OTOS: variants seen among roughly 807,000 people sequenced by gnomAD.
OTOS encodes the protein otospiralin.
Under a neutral mutation model 12.5 loss-of-function variants are expected in OTOS, and 14 were observed. The ratio of observed to expected loss-of-function variants is 1.12; its 90% CI spans 0.74 to 1.76. The LOEUF (loss-of-function observed/expected upper bound fraction) is 1.76. OTOS is among the 40% of genes most tolerant of loss of function. The probability of loss-of-function intolerance (pLI) is 0.00; values close to 1 mark genes in which losing one functional copy is unlikely to be tolerated. For missense variants in OTOS, 141 were observed against 112.8 expected (o/e 1.25, Z -1.13); for synonymous variants, 49 against 47.6 (o/e 1.03, Z -0.12).
In OTOS at chr2:240,139,230, G is replaced by C. The variant is rs1436092101; in HGVS notation, c.210C>G (p.Phe70Leu). The C allele has an allele frequency of 6.2e-7, 1 of 1,614,190 alleles. No individual in the cohort carries two copies. The highest frequency in any genetic ancestry group is 2.2e-5 in the East Asian group (1 of 44,866). The change falls in exon 4 of 4, where the codon TTC (phenylalanine) becomes TTG (leucine). Residue 70 changes from phenylalanine (F) to leucine (L), a missense_variant. By Grantham distance (22) the Phe-to-Leu change is conservative. Coordinates refer to ENST00000319460, the MANE Select transcript of OTOS (RefSeq NM_148961.4). Reference sequence around the variant, plus strand: ...TGCTCCCCAGGGGGAAGTGGGCAAAGAAGGTTCGGGCCATGTCCTCGATCT... The same window carrying C: ...TGCTCCCCAGGGGGAAGTGGGCAAACAAGGTTCGGGCCATGTCCTCGATCT... ...YPQIEDMART[F>L]FAHFPLGSTL...
Position 240,140,349 on chromosome 2 carries a change from C to A in OTOS, c.-23G>T. ...CATCTTCCCGGTGCTTCCTGATCTG[C>A]GACTCAGGCCCACCTGCAGCAGGAT... On this transcript the variant is annotated 5_prime_UTR_variant, in exon 2 of 4. Transcript: ENST00000319460. 3.2e-6 allele frequency: 5 copies of A among 1,557,646 alleles called. No homozygotes were observed. The highest frequency in any genetic ancestry group is 4.4e-6 in the Non-Finnish European group (5 of 1,149,136).
In OTOS at chr2:240,139,259, G is replaced by A; in HGVS notation, c.181C>T (p.Pro61Ser). ...VQHFQALGAYPQIEDMARTFF... is the reference protein window; with the variant it reads ...VQHFQALGAYSQIEDMARTFF... ...GTTCGGGCCATGTCCTCGATCTGGG[G>A]GTAGGCCCCCAGGGCCTGGAAGTGC... The change falls in exon 4 of 4, where the codon CCC (proline) becomes TCC (serine). Residue 61 changes from proline (P) to serine (S), a missense_variant. Transcript: ENST00000319460. 1 of 1,614,204 alleles carries A rather than the reference G, an allele frequency of 6.2e-7. No homozygotes were observed. Among genetic ancestry groups the A allele is most frequent in the Non-Finnish European group, 8.5e-7 (1 of 1,180,028 alleles).
At position 240,140,490 on chromosome 2, in the gene OTOS, C is replaced by G. The variant is rs990808944; in HGVS notation, c.-118-46G>C. 4 of 690,302 alleles carry G rather than the reference C, an allele frequency of 5.8e-6. No individual in the cohort carries two copies. In the African/African-American group the frequency reaches 7.2e-5, roughly 13 times the overall value. The allele number at this position is 690,302 out of a possible 1,614,324, so 42.8% of individuals were successfully genotyped here. A position where few individuals can be genotyped will look rare whatever the true frequency, so the allele number is the denominator to read the frequency against. ...TTAAAAAAAAAATTCTTACTGTTTT[C>G]CTAGCAATTTCCATTTCAGTGGTTT... On this transcript the variant is annotated intron_variant, in intron 1 of 3. Transcript: ENST00000319460.
chr2:240,140,419 C>A lies in OTOS; in HGVS notation c.-93G>T. The stretch of plus-strand genomic sequence containing the variant: ...CCACCCATCCGTCAGGGCCGGCTTC[C>A]TCTACCAGTCCCAGTGTGGGCAGCC... On this transcript the variant is annotated 5_prime_UTR_variant, in exon 2 of 4. It adds an upstream start codon to the 5' untranslated region. Transcript: ENST00000319460. 1 of 1,342,812 alleles carries A rather than the reference C, an allele frequency of 7.4e-7. No homozygotes were observed. Among genetic ancestry groups the A allele is most frequent in the Middle Eastern group, 1.9e-4 (1 of 5,380 alleles). 83.2% of individuals were successfully genotyped at this position (1,342,812 alleles called of 1,614,324 possible).
At chr2:240,140,024 C>T in intron 3 of OTOS, 38 bp downstream of exon 3, 1 of 1,608,680 alleles carries the variant, frequency 6.2e-7, no homozygotes, top group Non-Finnish European at 8.5e-7. Flanking sequence ...ATACCAGTTA[C>T]TTATGCAAAT....
Position 240,140,434 on chromosome 2 carries a change from T to C in OTOS, c.-108A>G. On this transcript the variant is annotated 5_prime_UTR_variant, in exon 2 of 4. Transcript: ENST00000319460. ...GGCCGGCTTCCTCTACCAGTCCCAG[T>C]GTGGGCAGCCCTGGGGAAAATGGCA... 1 of 1,175,664 alleles carries C rather than the reference T, an allele frequency of 8.5e-7. No individual in the cohort carries two copies. Among genetic ancestry groups the C allele is most frequent in the Non-Finnish European group, 1.2e-6 (1 of 854,040 alleles). 72.8% of individuals were successfully genotyped at this position (1,175,664 alleles called of 1,614,324 possible).
At chr2:240,140,204 A>G in intron 2 of OTOS, 65 bp downstream of exon 2, 1 of 1,588,514 alleles carries the variant, frequency 6.3e-7, no homozygotes, top group Non-Finnish European at 8.6e-7. Flanking sequence ...TGCATGCGGG[A>G]GGGGAGAGAA....
Position 240,139,139 on chromosome 2 carries a change from C to T in OTOS, c.*31G>A, listed in dbSNP as rs373053373. The T allele has an allele frequency of 1.4e-5, 22 of 1,597,860 alleles. No homozygotes were observed. The highest frequency in any genetic ancestry group is 6.8e-5 in the Admixed American group (4 of 59,228). The stretch of plus-strand genomic sequence containing the variant: ...GGAGGCCCGACCGAGTGCAGCCTGG[C>T]GGGGTGGGCGGGCACCAGGCTGGAC... On this transcript the variant is annotated 3_prime_UTR_variant, in exon 4 of 4. Transcript: ENST00000319460.
chr2:240,140,350 G>C lies in OTOS; in HGVS notation c.-24C>G. ...ATCTTCCCGGTGCTTCCTGATCTGC[G>C]ACTCAGGCCCACCTGCAGCAGGATG... On this transcript the variant is annotated 5_prime_UTR_variant, in exon 2 of 4. Coordinates refer to ENST00000319460, the MANE Select transcript of OTOS (RefSeq NM_148961.4). 1.9e-6 allele frequency: 3 copies of C among 1,558,782 alleles called. No individual in the cohort carries two copies. The highest frequency in any genetic ancestry group is 1.2e-5 in the South Asian group (1 of 84,394).
chr2:240,139,895 T>C (rs1466414471), intron 3 of OTOS, among the ~76,000 whole-genome samples, 167 bp downstream of exon 3: 1 of 152,058 alleles, frequency 6.6e-6, no homozygotes, highest in African/African-American at 2.4e-5. Flanking sequence ...CTTGCACAGC[T>C]CCAAGCTGGC....
intron 3 of OTOS, among the ~76,000 whole-genome samples, 155 bp downstream of exon 3, chr2:240,139,907 C>T (rs1162325974): frequency 1.3e-5 from 2 of 152,282 alleles, no homozygotes; most frequent in East Asian, 1.9e-4. Flanking sequence ...CAAGCTGGCT[C>T]TCAAGGGCCA....
In OTOS at chr2:240,139,332, G is replaced by C; in HGVS notation, c.108C>G (p.Ala36=). 1 of 1,613,834 alleles carries C rather than the reference G, an allele frequency of 6.2e-7. No homozygotes were observed. ...AGGTGGAGAAAGGCCAGTAGGGCAT[G>C]GCCGGCAGCTCCGCGTAAGGGTCTG... ...EEGDPYAELP[A]MPYWPFSTSD... is the part of the protein sequence containing the mutation. The change falls in exon 4 of 4, where the codon GCC becomes GCG. Residue 36 remains alanine (A), a synonymous_variant. Coordinates refer to ENST00000319460, the MANE Select transcript of OTOS (RefSeq NM_148961.4).
At chr2:240,140,247 T>A (rs544389523) in intron 2 of OTOS, 22 bp downstream of exon 2, 1 of 1,584,564 alleles carries the variant, frequency 6.3e-7, no homozygotes, top group African/African-American at 1.3e-5. Context: ...GGTGGCTGCC[T>A]CCCTCCAGAG....
chr2:240,140,073 T>A lies in OTOS; in HGVS notation c.74A>T (p.Gln25Leu). 6.2e-7 allele frequency: 1 copy of A among 1,613,552 alleles called. No individual in the cohort carries two copies. The highest frequency in any genetic ancestry group is 8.5e-7 in the Non-Finnish European group (1 of 1,179,752). The change falls in exon 3 of 4, where the codon CAG becomes CTG. Residue 25 changes from glutamine (Q) to leucine (L), a missense_variant. By Grantham distance (113) the Gln-to-Leu change is moderately radical. Coordinates refer to ENST00000319460, the MANE Select transcript of OTOS (RefSeq NM_148961.4). ...TTGGAGAACGGTACCTCCTTCCTCC[T>A]GCACAGGCTTGGCCCCTGCAAAGGA... is the stretch of plus-strand genomic sequence containing the variant. ...LGPLAGAKPVQEEGDPYAELP... is the reference protein window; with the variant it reads ...LGPLAGAKPVLEEGDPYAELP...
chr2:240,139,952 C>A, intron 3 of OTOS, 110 bp downstream of exon 3: 2 of 1,290,542 alleles, frequency 1.5e-6, no homozygotes, highest in African/African-American at 1.5e-5. Flanking sequence ...TGAGCCAGGG[C>A]CCCTGATGCG....
intron 2 of OTOS, 36 bp from the exon 3 acceptor site, chr2:240,140,124 C>T: frequency 3.1e-6 from 5 of 1,611,722 alleles, no homozygotes; most frequent in Non-Finnish European, 4.2e-6. Flanking sequence ...CCCAGGAGGA[C>T]CACCCAGGTG....
chr2:240,139,482 T>C, intron 3 of OTOS, 128 bp from the exon 4 acceptor site: 1 of 942,124 alleles, frequency 1.1e-6, no homozygotes, highest in South Asian at 1.8e-5. Flanking sequence ...CTTCCCAGAG[T>C]GGGGGCCTGA....
rs762113801 is a variant in OTOS, at chr2:240,139,404, T to C, written c.86-50A>G. 9.7e-6 allele frequency: 15 copies of C among 1,552,364 alleles called. 1 individual carries two copies. In the South Asian group the frequency reaches 1.8e-4, roughly 19 times the overall value. On this transcript the variant is annotated intron_variant, in intron 3 of 3. Transcript: ENST00000319460. The stretch of plus-strand genomic sequence containing the variant: ...TGGGGGCTGTCCCCATGGTCCTGCC[T>C]GGAGACACCATCCTCAGAGGTCTCA...
At chr2:240,140,211 A>G (rs1161759956) in intron 2 of OTOS, 58 bp downstream of exon 2, 1 of 1,587,204 alleles carries the variant, frequency 6.3e-7, no homozygotes, top group South Asian at 1.1e-5. Flanking sequence ...GGGAGGGGAG[A>G]GAACAGGAGG....
Sources: allele counts gnomAD v4.1 joint callset (sites outside exome capture counted in the v4.1 genomes callset), GRCh38; gene constraint gnomAD v4.1.1; transcripts MANE v1.5; gene names NCBI Gene and HGNC (gene_info 2026-07-23, HGNC 2026-07-21).